The following TYMS variants were observed in gnomAD, a reference collection of about 807,000 sequenced individuals.
TYMS encodes the protein thymidylate synthetase.
TYMS carries 21 observed loss-of-function variants against 39.3 expected under a neutral mutation model. The observed-to-expected ratio is 0.54, with a 90% CI of 0.38 to 0.77. The LOEUF (loss-of-function observed/expected upper bound fraction) is 0.77. Ranked by LOEUF, TYMS falls within the 30% of genes least tolerant of loss-of-function variation. The pLI is 0.00. For synonymous variants in TYMS, 171 were observed against 162.2 expected (o/e 1.05, Z -0.41); for missense variants, 273 against 406.7 (o/e 0.67, Z 2.83).
chr18:670,932 G>A, intron 5 of TYMS, 65 bp downstream of exon 5: 1 of 1,554,068 alleles, frequency 6.4e-7, no homozygotes, highest in Admixed American at 1.9e-5. Context: ...TCTTTAATAT[G>A]GGAAAACAAA....
In TYMS at chr18:670,841, A is replaced by G. The variant is rs1267313145; in HGVS notation, c.706A>G (p.Met236Val). The G allele has an allele frequency of 6.2e-7, 1 of 1,613,924 alleles. No individual in the cohort carries two copies. Among genetic ancestry groups the G allele is most frequent in the Non-Finnish European group, 8.5e-7 (1 of 1,179,990 alleles). ...CGCCAGCTACGCCCTGCTCACGTACATGATTGCGCACATCACGGGCCTGAA... is the reference window on the plus strand; with the variant it reads ...CGCCAGCTACGCCCTGCTCACGTACGTGATTGCGCACATCACGGGCCTGAA... ...NIASYALLTY[M>V]IAHITGLKPG... Residue 236 changes from methionine (M) to valine (V), a missense_variant, in exon 5 of 7, where the codon ATG becomes GTG. By Grantham distance (21) the Met-to-Val change is conservative. Coordinates refer to ENST00000323274, the MANE Select transcript of TYMS (RefSeq NM_001071.4).
chr18:663,832 T>C (rs1216572642), intron 3 of TYMS, among the ~76,000 whole-genome samples: 4 of 103,466 alleles, frequency 3.9e-5, no homozygotes, highest in African/African-American at 5.7e-5. Context: ...GTTGTAGATA[T>C]GCGGTGTTAT....
At position 661,247 on chromosome 18, in the gene TYMS, C is replaced by T. The variant is rs570981076; in HGVS notation, c.280-899C>T. ...CAATAGAAAGGGAGGAAGCAAGATA[C>T]TCAGAAATAAAATGCATTCCCCTGT... is the stretch of plus-strand genomic sequence containing the variant. On this transcript the variant is annotated intron_variant, in intron 2 of 6. Transcript: ENST00000323274. Among the ~76,000 whole-genome samples the T allele has an allele frequency of 2.0e-5, 3 of 152,246 alleles. 1 individual carries two copies. Among genetic ancestry groups the T allele is most frequent in the African/African-American group, 7.2e-5 (3 of 41,534 alleles).
intron 3 of TYMS, among the ~76,000 whole-genome samples, chr18:668,534 CTAAAG>C (rs1305872956): frequency 1.3e-5 from 2 of 152,088 alleles, no homozygotes; most frequent in Admixed American, 6.6e-5. Context: ...CTGCTAAACT[CTAAAG>C]TAATTTTAGG....
intron 3 of TYMS, among the ~76,000 whole-genome samples, chr18:667,059 AGATGGTGATGGT>A (rs1406689485): frequency 5.4e-5 from 1 of 18,562 alleles, no homozygotes; most frequent in Non-Finnish European, 9.5e-5. Context: ...ATGGAGATGG[AGATGGTGATGGT>A]GATGGAGATG....
chr18:672,928 C>T lies in TYMS; in HGVS notation c.873C>T (p.Phe291=). ...ILRKVEKIDD[F]KAEDFQIEGY... is the part of the protein sequence containing the mutation. ...GAAAAGTTGAGAAAATTGATGACTT[C>T]AAAGCTGAAGACTTTCAGATTGAAG... Residue 291 remains phenylalanine (F), a synonymous_variant, in exon 7 of 7, where the codon TTC becomes TTT. Transcript: ENST00000323274. 5.0e-6 allele frequency: 8 copies of T among 1,598,226 alleles called. No homozygotes were observed. Among genetic ancestry groups the T allele is most frequent in the Non-Finnish European group, 6.9e-6 (8 of 1,167,646 alleles).
chr18:668,191 C>T (rs1421881955), intron 3 of TYMS, among the ~76,000 whole-genome samples: 1 of 151,926 alleles, frequency 6.6e-6, no homozygotes, highest in Non-Finnish European at 1.5e-5. Flanking sequence ...CTTGTAACCA[C>T]TACAATCAAG....
Position 660,436 on chromosome 18 carries a change from A to G in TYMS, c.279+722A>G, listed in dbSNP as rs2074745489. 6.7e-6 allele frequency among the ~76,000 whole-genome samples: 1 copy of G among 149,518 alleles called. No homozygotes were observed. Among genetic ancestry groups the G allele is most frequent in the African/African-American group, 2.4e-5 (1 of 41,070 alleles). On this transcript the variant is annotated intron_variant, in intron 2 of 6. Coordinates refer to ENST00000323274, the MANE Select transcript of TYMS (RefSeq NM_001071.4). The surrounding 1 kb of genome is among the most constrained non-coding windows in gnomAD (Gnocchi z 4.6). ...TCAGCCTTTCCCTTCCCCTGTTAGA[A>G]GGGGGACAGCAGGTAGTAAAAGTGA...
rs1008763601 is a variant in TYMS, at chr18:669,290, T to C, written c.556+117T>C. ...ACCCTGGGAACTTCCCCCAGCCACATGGTTGATTGTGTGACGTTGGGCAAG... is the reference window on the plus strand; with the variant it reads ...ACCCTGGGAACTTCCCCCAGCCACACGGTTGATTGTGTGACGTTGGGCAAG... On this transcript the variant is annotated intron_variant, in intron 4 of 6. Coordinates refer to ENST00000323274, the MANE Select transcript of TYMS (RefSeq NM_001071.4). 9 of 712,528 alleles carry C rather than the reference T, an allele frequency of 1.3e-5. No individual in the cohort carries two copies. In the African/African-American group the frequency reaches 1.7e-4, roughly 13 times the overall value. The allele number at this position is 712,528 out of a possible 1,614,324, so 44.1% of individuals were successfully genotyped here.
rs371939476 is a variant in TYMS at position 670,887 on chromosome 18, G to A, written c.732+20G>A. ...CTGAAGGTGGGCTGTCTCGGGAAGGGTGACTTGCCAGCCTACCACACTGAG... is the reference window on the plus strand; with the variant it reads ...CTGAAGGTGGGCTGTCTCGGGAAGGATGACTTGCCAGCCTACCACACTGAG... On this transcript the variant is annotated intron_variant, in intron 5 of 6. Transcript: ENST00000323274. The A allele has an allele frequency of 4.3e-6, 7 of 1,612,832 alleles. No individual in the cohort carries two copies. Among genetic ancestry groups the A allele is most frequent in the African/African-American group, 4.0e-5 (3 of 74,880 alleles).
chr18:662,642 C>T (rs2074768985), intron 3 of TYMS, among the ~76,000 whole-genome samples: 2 of 151,460 alleles, frequency 1.3e-5, no homozygotes, highest in East Asian at 3.9e-4. Flanking sequence ...TCAGGTATAT[C>T]TCCCAATGCT....
Position 658,721 on chromosome 18 carries a change from C to G in TYMS, c.205+774C>G, listed in dbSNP as rs1012880722. 1.5e-5 allele frequency: 3 copies of G among 195,286 alleles called. No homozygotes were observed. The highest frequency in any genetic ancestry group is 7.2e-5 in the African/African-American group (3 of 41,646). 12.1% of individuals were successfully genotyped at this position (195,286 alleles called of 1,614,324 possible). ...CCGTCCTGCCGTCCTGGATCCTGCG[C>G]CAGCTGCGCGGGGGAGGGGACTCGA... On this transcript the variant is annotated intron_variant, in intron 1 of 6. Coordinates refer to ENST00000323274, the MANE Select transcript of TYMS (RefSeq NM_001071.4). This position sits in a 1 kb window ranked among gnomAD's most constrained non-coding sequence, Gnocchi z 4.5.
Position 662,149 on chromosome 18 carries a change from T to C in TYMS, c.283T>C (p.Ser95Pro). 6.2e-7 allele frequency: 1 copy of C among 1,607,794 alleles called. No individual in the cohort carries two copies. Among genetic ancestry groups the C allele is most frequent in the Non-Finnish European group, 8.5e-7 (1 of 1,177,470 alleles). ...CTGCTCTCCCCATCTCTTCCAGGGATCCACAAATGCTAAAGAGCTGTCTTC... is the reference window on the plus strand; with the variant it reads ...CTGCTCTCCCCATCTCTTCCAGGGACCCACAAATGCTAAAGAGCTGTCTTC... ...LEELLWFIKG[S>P]TNAKELSSKG... is the part of the protein sequence containing the mutation. The change falls in exon 3 of 7, where the codon TCC becomes CCC. Residue 95 changes from serine to proline, a missense_variant. Physicochemically the swap from Ser to Pro is moderately conservative, Grantham distance 74 (BLOSUM62 -1). This residue lies in a region of TYMS where 228 missense variants were observed against 326.1 expected (regional missense o/e 0.70). Coordinates refer to ENST00000323274, the MANE Select transcript of TYMS (RefSeq NM_001071.4).
At chr18:667,023 A>C (rs377610455) in intron 3 of TYMS, among the ~76,000 whole-genome samples, 2 of 4,116 alleles carry the variant, frequency 4.9e-4, no homozygotes, top group African/African-American at 1.2e-3. Flanking sequence ...ATGGAGATGG[A>C]GATGGTGATG....
Position 658,417 on chromosome 18 carries a change from G to A in TYMS, c.205+470G>A. 14 of 1,133,656 alleles carry A rather than the reference G, an allele frequency of 1.2e-5. No individual in the cohort carries two copies. The South Asian group carries it at 1.3e-4, about 10-fold the overall frequency. 70.2% of individuals were successfully genotyped at this position (1,133,656 alleles called of 1,614,324 possible). On this transcript the variant is annotated intron_variant, in intron 1 of 6. Coordinates refer to ENST00000323274, the MANE Select transcript of TYMS (RefSeq NM_001071.4). The surrounding 1 kb of genome is among the most constrained non-coding windows in gnomAD (Gnocchi z 4.5). ...AAAGTGATGTGGGCGGGGCAAAGGC[G>A]GCGGGAAGAGGAGAGCACTGAAGCT... is the stretch of plus-strand genomic sequence containing the variant.
In TYMS at chr18:658,136, C is replaced by T; in HGVS notation, c.205+189C>T. On this transcript the variant is annotated intron_variant, in intron 1 of 6. Transcript: ENST00000323274. The surrounding 1 kb of genome is among the most constrained non-coding windows in gnomAD (Gnocchi z 4.5). ...AGGGTCCCATTAGGGACGTGACTGGCGCGGGCAACACACACAGCAGCGACA... is the reference window on the plus strand; with the variant it reads ...AGGGTCCCATTAGGGACGTGACTGGTGCGGGCAACACACACAGCAGCGACA... 1 of 1,586,140 alleles carries T rather than the reference C, an allele frequency of 6.3e-7. No homozygotes were observed. Among genetic ancestry groups the T allele is most frequent in the Non-Finnish European group, 8.6e-7 (1 of 1,169,528 alleles).
chr18:672,194 TG>T (rs1368006053), intron 6 of TYMS: 1 of 152,236 alleles, frequency 6.6e-6, no homozygotes, highest in Non-Finnish European at 1.5e-5. Context: ...GCAATAAAAA[TG>T]TAAGTTCATC....
At chr18:659,858 G>A (rs2074738741) in intron 2 of TYMS, 144 bp downstream of exon 2, 2 of 740,594 alleles carry the variant, frequency 2.7e-6, no homozygotes, top group Non-Finnish European at 4.7e-6. Flanking sequence ...GATCACCTGA[G>A]GTTAGGAATT....
chr18:667,572 G>A (rs1438537405), intron 3 of TYMS: 11 of 60,512 alleles, frequency 1.8e-4, no homozygotes, highest in Non-Finnish European at 2.7e-4. Context: ...TGGTGATGGA[G>A]ATGGTGATGG....
Sources: gnomAD v4.1 joint callset for allele counts (sites outside exome capture counted in the v4.1 genomes callset) on GRCh38, gnomAD v4.1.1 for gene constraint, gnomAD v4.1.1 regional missense constraint, Gnocchi (gnomAD v3.1) non-coding constraint, MANE v1.5 for transcripts, NCBI Gene and HGNC (gene_info 2026-07-23, HGNC 2026-07-21) for gene names.